Variants in FBXL5 observed in about 807,000 individuals in gnomAD.
FBXL5 encodes the protein F-box and leucine rich repeat protein 5, also known as F-box/LRR-repeat protein 5.
Under a neutral mutation model 78.3 loss-of-function variants are expected in FBXL5, and 26 were observed. That is an observed-to-expected ratio of 0.33 (90% confidence interval 0.24 to 0.46). The LOEUF (loss-of-function observed/expected upper bound fraction) is 0.46. Ranked by LOEUF, FBXL5 falls within the 20% of genes least tolerant of loss-of-function variation. FBXL5 has a pLI of 1.00. For synonymous variants in FBXL5, 295 were observed against 282.5 expected (o/e 1.04, Z -0.45); for missense variants, 710 against 829.2 (o/e 0.86, Z 1.77).
intron 5 of FBXL5, among the ~76,000 whole-genome samples, chr4:15,632,960 G>A (rs1432680017): frequency 6.6e-6 from 1 of 152,210 alleles, no homozygotes; most frequent in Admixed American, 6.5e-5. Context: ...GGAGTGGTGA[G>A]AGAGGGCATC....
intron 1 of FBXL5, among the ~76,000 whole-genome samples, chr4:15,646,001 A>G (rs1054918801): frequency 1.3e-5 from 2 of 152,236 alleles, no homozygotes; most frequent in African/African-American, 4.8e-5. Context: ...GAAGGTAAAT[A>G]AGACAATGAA....
Position 15,645,091 on chromosome 4 carries a change from G to A in FBXL5, c.85-383C>T, listed in dbSNP as rs192458619. Among the ~76,000 whole-genome samples the A allele has an allele frequency of 2.2e-4, 33 of 151,936 alleles. 1 individual carries two copies. In the South Asian group the frequency reaches 3.7e-3, roughly 17 times the overall value. On this transcript the variant is annotated intron_variant, in intron 1 of 10. Transcript: ENST00000341285. The stretch of plus-strand genomic sequence containing the variant: ...CTTGATTAGGTTAAATACAACAGAC[G>A]GGTAGATGAAAGGGGAAAAGCTACT...
chr4:15,633,784 G>A (rs1446765093), intron 5 of FBXL5, among the ~76,000 whole-genome samples: 1 of 152,150 alleles, frequency 6.6e-6, no homozygotes, highest in Non-Finnish European at 1.5e-5. Flanking sequence ...TATTTTAGTA[G>A]ACAGAGCGTT....
At chr4:15,611,460 A>G (rs1722260637) in intron 10 of FBXL5, among the ~76,000 whole-genome samples, 1 of 152,008 alleles carries the variant, frequency 6.6e-6, no homozygotes, top group Non-Finnish European at 1.5e-5. Flanking sequence ...GAGCCATCTA[A>G]AATTTTCTCC....
intron 1 of FBXL5, among the ~76,000 whole-genome samples, chr4:15,675,680 C>T (rs1418229362): frequency 3.4e-5 from 5 of 147,782 alleles, no homozygotes; most frequent in East Asian, 4.0e-4. Context: ...CTCCCAGGTT[C>T]GAGCAATTCT....
intron 1 of FBXL5, among the ~76,000 whole-genome samples, chr4:15,671,242 T>A (rs1227979912): frequency 6.6e-6 from 1 of 151,914 alleles, no homozygotes; most frequent in African/African-American, 2.4e-5. Context: ...TAATTTTAGG[T>A]TGACAGGGTT....
chr4:15,614,620 G>A (rs970003727), intron 9 of FBXL5, among the ~76,000 whole-genome samples: 2 of 152,212 alleles, frequency 1.3e-5, no homozygotes, highest in Non-Finnish European at 2.9e-5. Flanking sequence ...AGCTCAGACT[G>A]TCCTTGGGCA....
chr4:15,625,748 T>C lies in FBXL5; in HGVS notation c.1354A>G (p.Asn452Asp). The change falls in exon 9 of 11, where the codon AAC (asparagine) becomes GAC (aspartate). Residue 452 changes from asparagine (N) to aspartate (D), a missense_variant. Asn to Asp is a conservative substitution (Grantham distance 23). Transcript: ENST00000341285. Reference protein sequence around the residue: ...KQYACLHDLTNKGIGEEIDNE... With the variant: ...KQYACLHDLTDKGIGEEIDNE... ...TCTATTTCTTCTCCAATGCCCTTGT[T>C]AGTTAAATCGTGCAAACAGGCATAC... 2 of 1,614,200 alleles carry C rather than the reference T, an allele frequency of 1.2e-6. No individual in the cohort carries two copies. Among genetic ancestry groups the C allele is most frequent in the African/African-American group, 2.7e-5 (2 of 75,066 alleles).
At chr4:15,628,063 T>C in intron 6 of FBXL5, 30 bp from the exon 7 acceptor site, 3 of 1,596,900 alleles carry the variant, frequency 1.9e-6, no homozygotes, top group Non-Finnish European at 2.6e-6. Context: ...GTCCAAGAAC[T>C]TGATAAACTG....
intron 1 of FBXL5, chr4:15,681,244 A>C (rs895904871): frequency 1.3e-5 from 2 of 152,312 alleles, no homozygotes; most frequent in Non-Finnish European, 2.9e-5. Context: ...AAAGTTCAAA[A>C]TTCTCTAATT....
At chr4:15,644,753 T>G in intron 1 of FBXL5, 45 bp from the exon 2 acceptor site, 1 of 1,352,856 alleles carries the variant, frequency 7.4e-7, no homozygotes, top group South Asian at 1.3e-5. Flanking sequence ...TACGTGCAAA[T>G]ATGCACAAAT....
At chr4:15,623,447 T>C (rs1712682209) in intron 9 of FBXL5, among the ~76,000 whole-genome samples, 1 of 152,036 alleles carries the variant, frequency 6.6e-6, no homozygotes, top group South Asian at 2.1e-4. Context: ...AAACTGGTCA[T>C]ACTGAAAATG....
At chr4:15,660,188 C>A (rs1366433164), upstream of FBXL5, among the ~76,000 whole-genome samples, 1 of 152,052 alleles carries the variant, frequency 6.6e-6, no homozygotes, top group Non-Finnish European at 1.5e-5. Flanking sequence ...AAATGATCCT[C>A]CTTTCTCAGC....
At chr4:15,652,101 A>G (rs1190053235) in intron 1 of FBXL5, among the ~76,000 whole-genome samples, 5 of 152,208 alleles carry the variant, frequency 3.3e-5, no homozygotes, top group Admixed American at 6.5e-5. Context: ...AGAAACTCCA[A>G]TGCTCACTGA....
chr4:15,650,682 T>C (rs1179634748), intron 1 of FBXL5, among the ~76,000 whole-genome samples: 1 of 147,242 alleles, frequency 6.8e-6, no homozygotes, highest in Non-Finnish European at 1.5e-5. Context: ...TTTTTTTTTT[T>C]TTTGAGACAG....
chr4:15,651,411 T>C (rs112221346), intron 1 of FBXL5, among the ~76,000 whole-genome samples: 2,469 of 152,326 alleles, frequency 0.016, 69 homozygotes, highest in African/African-American at 0.056. Context: ...AAATGAAGGA[T>C]AATATTTGGC....
chr4:15,659,393 T>A (rs1301881444), upstream of FBXL5, among the ~76,000 whole-genome samples: 3 of 152,184 alleles, frequency 2.0e-5, no homozygotes, highest in Non-Finnish European at 4.4e-5. Flanking sequence ...TACCCTCCTT[T>A]AAAGGGTTCT....
chr4:15,628,033 T>C lies in FBXL5; in HGVS notation c.893A>G (p.Glu298Gly). The change falls in exon 7 of 11, where the codon GAA becomes GGA. Residue 298 changes from glutamate (E) to glycine (G), a missense_variant and splice_region_variant. Around this residue, in one of 4 missense-constraint regions of FBXL5, gnomAD observed 517 missense variants for 542.9 expected, o/e 0.95. Transcript: ENST00000341285. Reference protein sequence around the residue: ...WDEDADIDESEESAEESIAIS... With the variant: ...WDEDADIDESGESAEESIAIS... ...AGCAATTGATTCCTCCGCAGACTCT[T>C]CTGTAAAATGAATTCAAAAGTCCAA... 1 of 1,613,010 alleles carries C rather than the reference T, an allele frequency of 6.2e-7. No homozygotes were observed. The highest frequency in any genetic ancestry group is 2.2e-5 in the East Asian group (1 of 44,814).
intron 1 of FBXL5, among the ~76,000 whole-genome samples, chr4:15,676,510 T>C (rs1717999304): frequency 6.6e-6 from 1 of 152,202 alleles, no homozygotes; most frequent in Non-Finnish European, 1.5e-5. Flanking sequence ...ATGAAATATG[T>C]GGACATAGTT....
Sources: allele counts gnomAD v4.1 joint callset (sites outside exome capture counted in the v4.1 genomes callset), GRCh38; gene constraint gnomAD v4.1.1; regional missense constraint gnomAD v4.1.1; transcripts MANE v1.5; gene names NCBI Gene and HGNC (gene_info 2026-07-23, HGNC 2026-07-21).